Variants in CEP162 observed in about 807,000 individuals in gnomAD.
The protein encoded by CEP162 is centrosomal protein 162, also known as centrosomal protein of 162 kDa.
In CEP162, 141 loss-of-function variants were observed where a neutral mutation model predicts 169.2. That is an observed-to-expected ratio of 0.83 (90% CI 0.73 to 0.96). The LOEUF is 0.96. Among genes scored for constraint, CEP162 ranks in the 40% least tolerant of loss-of-function variants. The pLI is 0.00. For missense variants in CEP162, 1,600 were observed against 1,587.2 expected, an observed-to-expected ratio of 1.01 and a Z score of -0.14; for synonymous variants, 540 against 526.4, an observed-to-expected ratio of 1.03 and a Z score of -0.35.
At chr6:84,154,670 T>A (rs770079037) in intron 22 of CEP162, among the ~76,000 whole-genome samples, 21 of 152,206 alleles carry the variant, frequency 1.4e-4, no homozygotes, top group Non-Finnish European at 2.1e-4. Flanking sequence ...CAGAGATATT[T>A]ATGAAAGTAT....
intron 2 of CEP162, among the ~76,000 whole-genome samples, chr6:84,222,009 A>G (rs73750552): frequency 0.059 from 8,999 of 151,874 alleles, 888 homozygotes; most frequent in African/African-American, 0.2. Context: ...GCATAGTACC[A>G]GGCACAATTG....
intron 21 of CEP162, among the ~76,000 whole-genome samples, chr6:84,157,530 C>G (rs1588751712): frequency 6.6e-6 from 1 of 152,072 alleles, no homozygotes; most frequent in South Asian, 2.1e-4. Flanking sequence ...CAAAAATTAG[C>G]CTGGTGTGGT....
intron 25 of CEP162, among the ~76,000 whole-genome samples, chr6:84,135,954 G>A (rs2099513905): frequency 6.6e-6 from 1 of 152,224 alleles, no homozygotes; most frequent in Admixed American, 6.5e-5. Context: ...ATTGGCATAA[G>A]TCTTCCTGGT....
intron 18 of CEP162, among the ~76,000 whole-genome samples, chr6:84,166,708 C>A (rs1481845707): frequency 6.6e-6 from 1 of 152,130 alleles, no homozygotes; most frequent in Non-Finnish European, 1.5e-5. Flanking sequence ...CAGGAACTTA[C>A]CTTTTATTAC....
At chr6:84,160,285 C>G (rs1158392092) in intron 21 of CEP162, among the ~76,000 whole-genome samples, 2 of 152,114 alleles carry the variant, frequency 1.3e-5, no homozygotes, top group African/African-American at 4.8e-5. Flanking sequence ...TTTTAATAAG[C>G]TTCACTTTAT....
intron 25 of CEP162, among the ~76,000 whole-genome samples, chr6:84,139,517 C>T (rs1488462173): frequency 6.6e-6 from 1 of 152,144 alleles, no homozygotes; most frequent in Non-Finnish European, 1.5e-5. Flanking sequence ...AAAAATTTTT[C>T]CTTCCTGACA....
At chr6:84,186,951 G>A (rs1027648038) in intron 11 of CEP162, among the ~76,000 whole-genome samples, 1 of 152,100 alleles carries the variant, frequency 6.6e-6, no homozygotes, top group Non-Finnish European at 1.5e-5. Flanking sequence ...ATTTCTAAGT[G>A]AACTTTTTGT....
At chr6:84,158,510 A>G (rs1286044671) in intron 21 of CEP162, among the ~76,000 whole-genome samples, 1 of 152,206 alleles carries the variant, frequency 6.6e-6, no homozygotes, top group Non-Finnish European at 1.5e-5. Flanking sequence ...TTTAAGGGGC[A>G]TATGATTTAC....
intron 11 of CEP162, among the ~76,000 whole-genome samples, chr6:84,189,401 C>T (rs962188107): frequency 2.4e-4 from 37 of 152,250 alleles, no homozygotes; most frequent in Non-Finnish European, 4.3e-4. Flanking sequence ...GGGCTGCGTG[C>T]GGCGCTTGCG....
At chr6:84,217,222 C>A (rs2099551917) in intron 3 of CEP162, among the ~76,000 whole-genome samples, 1 of 151,966 alleles carries the variant, frequency 6.6e-6, no homozygotes, top group Non-Finnish European at 1.5e-5. Context: ...TTGAGGCAGG[C>A]AATAAGTAAA....
At chr6:84,173,686 C>CTTTTT (rs3066635) in intron 16 of CEP162, among the ~76,000 whole-genome samples, 230 of 140,542 alleles carry the variant, frequency 1.6e-3, no homozygotes, top group African/African-American at 5.6e-3. Flanking sequence ...TTTAATATAC[C>CTTTTT]TTTTTTTTTT....
In CEP162 at chr6:84,193,682, T is replaced by C. The variant is rs1490693577; in HGVS notation, c.1036A>G (p.Thr346Ala). ...NISTMESDLP[T>A]VEELMKPIRI... is the part of the protein sequence containing the mutation. The stretch of plus-strand genomic sequence containing the variant: ...ATAGGTTTCATCAGCTCCTCTACTG[T>C]GGGCAGATCTAAGAGGTGGAAAAAA... The change falls in exon 11 of 27, where the codon ACA becomes GCA. Residue 346 changes from threonine (T) to alanine (A), a missense_variant. By Grantham distance (58) the Thr-to-Ala change is moderately conservative. Transcript: ENST00000403245. 1 of 1,559,646 alleles carries C rather than the reference T, an allele frequency of 6.4e-7. No homozygotes were observed. The highest frequency in any genetic ancestry group is 8.7e-7 in the Non-Finnish European group (1 of 1,150,920).
In CEP162 at chr6:84,155,388, C is replaced by T; in HGVS notation, c.2904G>A (p.Arg968=). The T allele has an allele frequency of 6.2e-7, 1 of 1,613,628 alleles. No individual in the cohort carries two copies. The highest frequency in any genetic ancestry group is 8.5e-7 in the Non-Finnish European group (1 of 1,179,690). Residue 968 remains arginine, a synonymous_variant, in exon 22 of 27, where the codon AGG becomes AGA. Transcript: ENST00000403245. ...DKNTVEFMEK[R]IKKLEADLEG... ...CCAGATCAGCTTCTAGCTTTTTTATCCTTTTCTCCATAAATTCCACTGTAT... is the reference window on the plus strand; with the variant it reads ...CCAGATCAGCTTCTAGCTTTTTTATTCTTTTCTCCATAAATTCCACTGTAT...
chr6:84,129,332 TCC>T (rs1211421932), intron 25 of CEP162, among the ~76,000 whole-genome samples: 1 of 152,214 alleles, frequency 6.6e-6, no homozygotes, highest in African/African-American at 2.4e-5. Flanking sequence ...TTCCTATTTC[TCC>T]GCATCCTCTC....
intron 25 of CEP162, among the ~76,000 whole-genome samples, chr6:84,135,716 A>AGCCG (rs2099513763): frequency 6.6e-6 from 1 of 152,134 alleles, no homozygotes; most frequent in Non-Finnish European, 1.5e-5. Context: ...CACAAAAATT[A>AGCCG]GCCGGGTGTG....
At chr6:84,154,330 A>ATCTATCTGTCTG (rs1554165755) in intron 22 of CEP162, among the ~76,000 whole-genome samples, 29 of 149,454 alleles carry the variant, frequency 1.9e-4, no homozygotes, top group African/African-American at 6.9e-4. Flanking sequence ...CTATCTATCT[A>ATCTATCTGTCTG]TCTGTCTGTC....
intron 18 of CEP162, among the ~76,000 whole-genome samples, chr6:84,168,762 C>G (rs2099528833): frequency 6.6e-6 from 1 of 152,120 alleles, no homozygotes; most frequent in Non-Finnish European, 1.5e-5. Flanking sequence ...TTAGAAAACT[C>G]TAGGCCATAT....
rs1468621660 is a variant in CEP162 at position 84,132,576 on chromosome 6, A to C, written c.3871-6064T>G. On this transcript the variant is annotated intron_variant, in intron 25 of 26. Transcript: ENST00000403245. Reference sequence around the variant, plus strand: ...CTTTTTTCTCTAAACTTCTCTTCTCACTTCATTTCATTCATTTGATCTTCA... The same window carrying C: ...CTTTTTTCTCTAAACTTCTCTTCTCCCTTCATTTCATTCATTTGATCTTCA... 2.0e-5 allele frequency among the ~76,000 whole-genome samples: 3 copies of C among 151,892 alleles called. No homozygotes were observed. The East Asian group carries it at 5.8e-4, about 30-fold the overall frequency.
chr6:84,132,937 T>C (rs1459222563), intron 25 of CEP162, among the ~76,000 whole-genome samples: 1 of 152,158 alleles, frequency 6.6e-6, no homozygotes, highest in Non-Finnish European at 1.5e-5. Flanking sequence ...AGAGGCACTC[T>C]GATTTTTGGA....
Sources: allele counts gnomAD v4.1 joint callset (sites outside exome capture counted in the v4.1 genomes callset), GRCh38; gene constraint gnomAD v4.1.1; transcripts MANE v1.5; gene names NCBI Gene and HGNC (gene_info 2026-07-23, HGNC 2026-07-21).